Variants in MYT1L observed in about 807,000 individuals in gnomAD.
The protein encoded by MYT1L is myelin transcription factor 1-like protein.
MYT1L carries 12 observed loss-of-function variants against 126.7 expected under a neutral mutation model. The ratio of observed to expected loss-of-function variants is 0.09; its 90% CI spans 0.06 to 0.15. MYT1L has a LOEUF of 0.15. Among genes scored for constraint, MYT1L ranks in the 10% least tolerant of loss-of-function variants. The pLI is 1.00. For synonymous variants in MYT1L, 541 were observed against 604.2 expected, an observed-to-expected ratio of 0.90 and a Z score of 1.53; for missense variants, 979 against 1,585.2, an observed-to-expected ratio of 0.62 and a Z score of 6.49.
chr2:2,078,783 C>T (rs866876476), intron 3 of MYT1L, among the ~76,000 whole-genome samples: 2 of 152,172 alleles, frequency 1.3e-5, no homozygotes, highest in African/African-American at 4.8e-5. Context: ...TCAGAACTAA[C>T]AAATTAGTGC....
chr2:2,315,195 T>C (rs1016103601), intron 1 of MYT1L, among the ~76,000 whole-genome samples: 1 of 152,188 alleles, frequency 6.6e-6, no homozygotes. Flanking sequence ...TTTTCTCTGG[T>C]TATGTCTTGG....
chr2:1,960,421 T>C (rs1021515328), intron 8 of MYT1L, among the ~76,000 whole-genome samples: 3 of 152,228 alleles, frequency 2.0e-5, no homozygotes, highest in African/African-American at 7.2e-5. Flanking sequence ...TAAATAAAAG[T>C]ATTCTAACTT....
intron 4 of MYT1L, among the ~76,000 whole-genome samples, chr2:2,050,239 G>A (rs1028431917): frequency 6.6e-6 from 1 of 152,144 alleles, no homozygotes; most frequent in South Asian, 2.1e-4. Flanking sequence ...ACTACCTGAT[G>A]ACATTTGCTC....
At chr2:2,039,642 C>G (rs1178416800) in intron 4 of MYT1L, among the ~76,000 whole-genome samples, 1 of 152,186 alleles carries the variant, frequency 6.6e-6, no homozygotes, top group East Asian at 1.9e-4. Flanking sequence ...CACCCATCAA[C>G]AAAATCAAAG....
At position 2,224,517 on chromosome 2, in the gene MYT1L, A is replaced by G. The variant is rs575488354; in HGVS notation, c.-420-51529T>C. Among the ~76,000 whole-genome samples the G allele has an allele frequency of 5.3e-5, 8 of 152,182 alleles. No individual in the cohort carries two copies. Among genetic ancestry groups the G allele is most frequent in the South Asian group, 4.1e-4 (2 of 4,828 alleles). The stretch of plus-strand genomic sequence containing the variant: ...ACCCCATGCCATAACTATTTTTCCC[A>G]TTAAGAAAATAAATGTTTCAGGCTG... On this transcript the variant is annotated intron_variant, in intron 2 of 24. Transcript: ENST00000647738. The surrounding 1 kb of genome is among the most constrained non-coding windows in gnomAD (Gnocchi z 4.0).
At chr2:2,044,311 T>C (rs948498035) in intron 4 of MYT1L, among the ~76,000 whole-genome samples, 3 of 152,214 alleles carry the variant, frequency 2.0e-5, no homozygotes, top group Admixed American at 2.0e-4. Flanking sequence ...TCACTCTCAG[T>C]CACAGCTAAC....
chr2:2,038,893 CT>C (rs2067196177), intron 4 of MYT1L, among the ~76,000 whole-genome samples: 1 of 152,170 alleles, frequency 6.6e-6, no homozygotes, highest in African/African-American at 2.4e-5. Flanking sequence ...AGGCATCACT[CT>C]TTCCAGGGCC....
At chr2:1,795,424 C>G (rs1266596393) in intron 23 of MYT1L, 2 of 152,474 alleles carry the variant, frequency 1.3e-5, no homozygotes, top group African/African-American at 4.8e-5. Context: ...GGGGCTCCGC[C>G]CAGGCCCTCA....
chr2:2,188,171 A>G (rs2092342425), intron 2 of MYT1L, among the ~76,000 whole-genome samples: 1 of 152,204 alleles, frequency 6.6e-6, no homozygotes, highest in East Asian at 1.9e-4. Flanking sequence ...TCCCATGGCA[A>G]AACACCTATA....
At chr2:1,820,721 A>T (rs572354344) in intron 21 of MYT1L, among the ~76,000 whole-genome samples, 1 of 152,046 alleles carries the variant, frequency 6.6e-6, no homozygotes, top group African/African-American at 2.4e-5. Flanking sequence ...TAATTTTTAA[A>T]TTTTTTGTAG....
At chr2:2,002,413 G>A (rs1440361179) in intron 4 of MYT1L, among the ~76,000 whole-genome samples, 1 of 152,160 alleles carries the variant, frequency 6.6e-6, no homozygotes, top group African/African-American at 2.4e-5. Flanking sequence ...GTTTCATGTA[G>A]AATTCAATTT....
chr2:1,967,760 C>G (rs1383225121), intron 8 of MYT1L, among the ~76,000 whole-genome samples: 1 of 152,098 alleles, frequency 6.6e-6, no homozygotes, highest in African/African-American at 2.4e-5. Flanking sequence ...TGTTTTGCTG[C>G]GCAGGCGAGA....
chr2:2,214,746 T>C (rs960521852), intron 2 of MYT1L, among the ~76,000 whole-genome samples: 10 of 152,130 alleles, frequency 6.6e-5, no homozygotes, highest in African/African-American at 1.9e-4. Flanking sequence ...AGAAGGAACA[T>C]AGGACCGAAT....
chr2:1,810,428 C>T (rs1312421867), intron 21 of MYT1L, among the ~76,000 whole-genome samples: 1 of 152,132 alleles, frequency 6.6e-6, no homozygotes, highest in East Asian at 1.9e-4. Context: ...GCATGAGCCA[C>T]CGCACCCCGC....
intron 3 of MYT1L, among the ~76,000 whole-genome samples, chr2:2,150,739 T>C (rs997244071): frequency 3.3e-5 from 5 of 151,978 alleles, no homozygotes; most frequent in Non-Finnish European, 7.4e-5. Context: ...ATTCGAAATG[T>C]ACAACTAGGC....
At chr2:2,243,991 A>T (rs186606877) in intron 2 of MYT1L, among the ~76,000 whole-genome samples, 1 of 152,328 alleles carries the variant, frequency 6.6e-6, no homozygotes, top group Non-Finnish European at 1.5e-5. Context: ...GAATGACTAA[A>T]TTCCAGACAC....
chr2:1,988,086 T>C (rs1483005605), intron 5 of MYT1L, among the ~76,000 whole-genome samples: 2 of 152,212 alleles, frequency 1.3e-5, no homozygotes, highest in Non-Finnish European at 2.9e-5. Flanking sequence ...TGGTCTTATC[T>C]TCATGTGCTT....
chr2:1,908,243 G>T (rs1354129524), intron 13 of MYT1L, among the ~76,000 whole-genome samples: 1 of 152,234 alleles, frequency 6.6e-6, no homozygotes, highest in Non-Finnish European at 1.5e-5. Context: ...CATCGGAGTG[G>T]AGGCTGTGTT....
At chr2:1,842,032 G>C (rs189288595) in intron 19 of MYT1L, 1 of 152,252 alleles carries the variant, frequency 6.6e-6, no homozygotes, top group Non-Finnish European at 1.5e-5. Flanking sequence ...TTTTGGAAAA[G>C]AATTGAAGAA....
Sources: gnomAD v4.1 joint callset for allele counts (sites outside exome capture counted in the v4.1 genomes callset) on GRCh38, gnomAD v4.1.1 for gene constraint, Gnocchi (gnomAD v3.1) non-coding constraint, MANE v1.5 for transcripts, NCBI Gene and HGNC (gene_info 2026-07-23, HGNC 2026-07-21) for gene names.